The following AKAP8L variants were observed in gnomAD, a reference collection of about 807,000 sequenced individuals.
AKAP8L encodes A-kinase anchor protein 8-like.
In AKAP8L, 34 loss-of-function variants were observed where a neutral mutation model predicts 77.5. The observed-to-expected ratio is 0.44, with a 90% CI of 0.33 to 0.58. The LOEUF (loss-of-function observed/expected upper bound fraction) is 0.58, where lower values mean the gene tolerates loss of function less well. AKAP8L is among the 20% of genes least tolerant of loss of function. The pLI is 0.02. For synonymous variants in AKAP8L, 342 were observed against 340.7 expected (o/e 1.00, Z -0.04); for missense variants, 806 against 887.6 (o/e 0.91, Z 1.17).
rs371904437 is a variant in AKAP8L, at chr19:15,397,888, G to T, written c.1158-33C>A. 2.2e-4 allele frequency: 357 copies of T among 1,607,302 alleles called. No individual in the cohort carries two copies. The highest frequency in any genetic ancestry group is 2.9e-4 in the Non-Finnish European group (342 of 1,177,036). Reference sequence around the variant, plus strand: ...AGGAAGGAAACGAGGGGCTGAGGCTGCAAGTGTCCCAGGGGATAGTGCTGC... The same window carrying T: ...AGGAAGGAAACGAGGGGCTGAGGCTTCAAGTGTCCCAGGGGATAGTGCTGC... On this transcript the variant is annotated intron_variant, in intron 9 of 13. Transcript: ENST00000397410. The surrounding 1 kb of genome is among the most constrained non-coding windows in gnomAD (Gnocchi z 4.7).
intron 12 of AKAP8L, among the ~76,000 whole-genome samples, chr19:15,389,239 A>G (rs563052308): frequency 3.4e-4 from 52 of 151,830 alleles, no homozygotes; most frequent in African/African-American, 1.2e-3. Context: ...AAAAAAGAAA[A>G]AAAAAAAAAA....
rs759672480 is a variant in AKAP8L, at chr19:15,401,141, T to G, written c.816+9A>C. On this transcript the variant is annotated intron_variant, in intron 5 of 13. Transcript: ENST00000397410. The surrounding 1 kb of genome is among the most constrained non-coding windows in gnomAD (Gnocchi z 6.2). ...AAGCTTCCCAGAGGGGAAGGCTGCC[T>G]CCACTCACTCGGAAGTCGGCTGTGG... 6.2e-7 allele frequency: 1 copy of G among 1,604,922 alleles called. No individual in the cohort carries two copies. The highest frequency in any genetic ancestry group is 1.1e-5 in the South Asian group (1 of 91,014).
intron 12 of AKAP8L, among the ~76,000 whole-genome samples, chr19:15,392,372 T>C (rs1402763060): frequency 6.6e-6 from 1 of 151,954 alleles, no homozygotes; most frequent in Non-Finnish European, 1.5e-5. Flanking sequence ...GGCACATGCC[T>C]GTAGTCCCAG....
intron 1 of AKAP8L, among the ~76,000 whole-genome samples, chr19:15,416,127 TAA>T (rs879285193): frequency 4.4e-4 from 62 of 141,740 alleles, no homozygotes; most frequent in Non-Finnish European, 7.5e-4. Flanking sequence ...GTGCCTGATC[TAA>T]AAAAAAAAAA....
intron 1 of AKAP8L, among the ~76,000 whole-genome samples, chr19:15,412,935 C>G (rs1968135059): frequency 6.6e-6 from 1 of 152,220 alleles, no homozygotes; most frequent in Admixed American, 6.5e-5. Flanking sequence ...AGAGCCAACT[C>G]ATGACCTGAA....
chr19:15,384,530 C>T (rs1429559590), intron 12 of AKAP8L, among the ~76,000 whole-genome samples: 5 of 151,186 alleles, frequency 3.3e-5, no homozygotes, highest in African/African-American at 9.7e-5. Flanking sequence ...AAACTCCTGA[C>T]CTCAGGCAAT....
chr19:15,390,601 C>A (rs1354788580), intron 12 of AKAP8L, among the ~76,000 whole-genome samples: 4 of 151,970 alleles, frequency 2.6e-5, no homozygotes, highest in Admixed American at 2.6e-4. Context: ...TAACCTGATA[C>A]CCAAACCAGA....
chr19:15,396,561 G>A (rs1025880411), intron 12 of AKAP8L, among the ~76,000 whole-genome samples: 1 of 152,156 alleles, frequency 6.6e-6, no homozygotes, highest in African/African-American at 2.4e-5. Context: ...CCCCAAGTCA[G>A]AAACCAGAGT....
chr19:15,398,204 G>A lies in AKAP8L; in HGVS notation c.1158-349C>T, dbSNP rs1017329207. 6.1e-6 allele frequency: 2 copies of A among 325,382 alleles called. No individual in the cohort carries two copies. Among genetic ancestry groups the A allele is most frequent in the Admixed American group, 4.3e-5 (1 of 23,262 alleles). The allele number at this position is 325,382 out of a possible 1,614,324, so 20.2% of individuals were successfully genotyped here. On this transcript the variant is annotated intron_variant, in intron 9 of 13. Transcript: ENST00000397410. This position sits in a 1 kb window ranked among gnomAD's most constrained non-coding sequence, Gnocchi z 9.2. ...GGCAGGAGCGTGTGCACTTGGCCCA[G>A]GTGGGGACCGGAAGGAAGGATGCCC...
intron 1 of AKAP8L, among the ~76,000 whole-genome samples, chr19:15,418,501 G>A (rs1401076498): frequency 1.3e-5 from 2 of 151,508 alleles, no homozygotes; most frequent in Middle Eastern, 3.2e-3. Context: ...CAGAGAAACT[G>A]CGCGGGGGAG....
chr19:15,417,678 T>C (rs962387984), intron 1 of AKAP8L: 8 of 152,224 alleles, frequency 5.3e-5, no homozygotes, highest in South Asian at 2.1e-4. Context: ...TTCTTGCCTA[T>C]GCCAACATAA....
intron 2 of AKAP8L, among the ~76,000 whole-genome samples, chr19:15,405,702 T>C (rs1457563634): frequency 6.7e-6 from 1 of 150,362 alleles, no homozygotes; most frequent in Non-Finnish European, 1.5e-5. Context: ...GGTGGGTGGA[T>C]TACGAGGTCA....
At chr19:15,388,538 A>G (rs939789567) in intron 12 of AKAP8L, among the ~76,000 whole-genome samples, 3 of 152,228 alleles carry the variant, frequency 2.0e-5, no homozygotes, top group African/African-American at 7.2e-5. Flanking sequence ...TGATAATAAT[A>G]AAATGGTAAA....
Position 15,380,075 on chromosome 19 carries a change from T to C in AKAP8L, c.*47A>G, listed in dbSNP as rs1242174493. The C allele has an allele frequency of 8.3e-6, 12 of 1,441,382 alleles. No individual in the cohort carries two copies. In the Admixed American group the frequency reaches 9.0e-5, roughly 11 times the overall value. The allele number at this position is 1,441,382 out of a possible 1,614,324, so 89.3% of individuals were successfully genotyped here. On this transcript the variant is annotated 3_prime_UTR_variant, in exon 14 of 14. Transcript: ENST00000397410. ...TGGGATGGGAAAACTTTATTAGGTT[T>C]GGTTTCCAGCTTCGGCCACGCGGGC...
chr19:15,390,659 G>C (rs1967642000), intron 12 of AKAP8L, among the ~76,000 whole-genome samples: 1 of 152,008 alleles, frequency 6.6e-6, no homozygotes, highest in Non-Finnish European at 1.5e-5. Flanking sequence ...TATGAATATA[G>C]ATGCAAAAAT....
chr19:15,391,692 C>T (rs1166381768), intron 12 of AKAP8L, among the ~76,000 whole-genome samples: 3 of 151,496 alleles, frequency 2.0e-5, no homozygotes, highest in African/African-American at 7.3e-5. Flanking sequence ...GTGCCCGCCA[C>T]CACACCTGGC....
chr19:15,405,042 T>C (rs536938195), intron 2 of AKAP8L, among the ~76,000 whole-genome samples: 1 of 152,356 alleles, frequency 6.6e-6, no homozygotes, highest in East Asian at 1.9e-4. Flanking sequence ...AACAGGCTTC[T>C]CATCCATTTG....
chr19:15,411,571 CTA>C (rs1311547845), intron 1 of AKAP8L, among the ~76,000 whole-genome samples: 1 of 152,078 alleles, frequency 6.6e-6, no homozygotes, highest in African/African-American at 2.4e-5. Context: ...CTGCAGTGAG[CTA>C]TGATTGCGCC....
At chr19:15,381,603 T>C (rs1967419026) in intron 12 of AKAP8L, among the ~76,000 whole-genome samples, 1 of 152,164 alleles carries the variant, frequency 6.6e-6, no homozygotes, top group Non-Finnish European at 1.5e-5. Context: ...TTGCTGTTTC[T>C]ACTCTCTCCA....
Sources: allele counts gnomAD v4.1 joint callset (sites outside exome capture counted in the v4.1 genomes callset), GRCh38; gene constraint gnomAD v4.1.1; non-coding constraint Gnocchi (gnomAD v3.1); transcripts MANE v1.5; gene names NCBI Gene and HGNC (gene_info 2026-07-23, HGNC 2026-07-21).